DZANK1: variants seen among roughly 807,000 people sequenced by gnomAD.
DZANK1 encodes the protein double zinc ribbon and ankyrin repeat-containing protein 1.
In DZANK1, 91 loss-of-function variants were observed where a neutral mutation model predicts 94.5. That is an observed-to-expected ratio of 0.96 (90% CI 0.81 to 1.15). DZANK1 has a LOEUF of 1.15. Ranked by LOEUF, DZANK1 falls within the 50% of genes most tolerant of loss-of-function variation. The pLI is 0.00. For missense variants in DZANK1, 903 were observed against 916.4 expected (o/e 0.99, Z 0.19); for synonymous variants, 312 against 325.3 (o/e 0.96, Z 0.44).
chr20:18,436,443 C>CA (rs767717764), intron 8 of DZANK1, among the ~76,000 whole-genome samples: 31,647 of 103,516 alleles, frequency 0.31, 5,093 homozygotes, highest in South Asian at 0.37. Flanking sequence ...GACTCCATCT[C>CA]AAAAAAAAAA....
intron 9 of DZANK1, among the ~76,000 whole-genome samples, chr20:18,432,215 A>T (rs2058313504): frequency 6.6e-6 from 1 of 152,170 alleles, no homozygotes; most frequent in Non-Finnish European, 1.5e-5. Context: ...ACTAACACTT[A>T]CCCCTATTCT....
chr20:18,388,891 C>T (rs2148148045), intron 19 of DZANK1, among the ~76,000 whole-genome samples: 1 of 152,276 alleles, frequency 6.6e-6, no homozygotes, highest in East Asian at 1.9e-4. Context: ...ATTTTGGCCT[C>T]CGTGGTAGCA....
rs57414371 is a variant in DZANK1, at chr20:18,466,657, C to G, written c.-20+339G>C. 2.6e-3 allele frequency among the ~76,000 whole-genome samples: 391 copies of G among 152,352 alleles called. 7 individuals are homozygous for G. Among genetic ancestry groups the G allele is most frequent in the Admixed American group, 0.022 (331 of 15,304 alleles). Reference sequence around the variant, plus strand: ...GAAGTAATTCGCGAGCGTCAACTAGCAGCTGCCCTTAGGAAGCTGGGGTGG... The same window carrying G: ...GAAGTAATTCGCGAGCGTCAACTAGGAGCTGCCCTTAGGAAGCTGGGGTGG... On this transcript the variant is annotated intron_variant, in intron 1 of 20. Transcript: ENST00000262547.
chr20:18,394,688 A>G (rs748924816), intron 15 of DZANK1: 1 of 531,028 alleles, frequency 1.9e-6, no homozygotes, highest in Non-Finnish European at 3.7e-6. Flanking sequence ...TAGATCCTTT[A>G]TAAGTGATTG....
chr20:18,451,649 T>C (rs888926097), intron 6 of DZANK1, among the ~76,000 whole-genome samples: 1 of 152,164 alleles, frequency 6.6e-6, no homozygotes, highest in African/African-American at 2.4e-5. Context: ...TCCACTTGGA[T>C]GTCTAATGTG....
At chr20:18,418,987 C>T (rs1174392664) in intron 10 of DZANK1, among the ~76,000 whole-genome samples, 1 of 152,034 alleles carries the variant, frequency 6.6e-6, no homozygotes, top group Non-Finnish European at 1.5e-5. Context: ...ACAGGACTGG[C>T]GCGGTGGCTC....
intron 10 of DZANK1, among the ~76,000 whole-genome samples, chr20:18,416,594 T>C (rs1365864227): frequency 6.6e-6 from 1 of 152,146 alleles, no homozygotes; most frequent in Non-Finnish European, 1.5e-5. Flanking sequence ...CTAAGGGCAC[T>C]TTTCCCTAAA....
chr20:18,391,572 C>T (rs1568873251), intron 17 of DZANK1, among the ~76,000 whole-genome samples: 2 of 152,170 alleles, frequency 1.3e-5, no homozygotes, highest in Admixed American at 6.5e-5. Flanking sequence ...GCCATAAATT[C>T]ATCTTTATAT....
chr20:18,412,360 A>C (rs778459971), intron 13 of DZANK1, among the ~76,000 whole-genome samples: 1 of 152,210 alleles, frequency 6.6e-6, no homozygotes, highest in Admixed American at 6.5e-5. Flanking sequence ...AGCACTGTGC[A>C]CTAACAACAT....
chr20:18,421,268 C>A, intron 10 of DZANK1: 1 of 174,762 alleles, frequency 5.7e-6, no homozygotes. Context: ...CTACATCCCC[C>A]CCGTAAAACT....
chr20:18,438,154 G>A (rs1256004517), intron 8 of DZANK1, among the ~76,000 whole-genome samples: 2 of 137,376 alleles, frequency 1.5e-5, no homozygotes, highest in African/African-American at 5.5e-5. Context: ...GGGAGGCGGA[G>A]CTTGCAGTGA....
rs994510111 is a variant in DZANK1, at chr20:18,414,226, T to A, written c.1242+122A>T. Reference sequence around the variant, plus strand: ...ATTTATTTACACACCTAGTTGAAATTCCATGTGAAAGTTCTAAAAGTTTTG... The same window carrying A: ...ATTTATTTACACACCTAGTTGAAATACCATGTGAAAGTTCTAAAAGTTTTG... On this transcript the variant is annotated intron_variant, in intron 12 of 20. Transcript: ENST00000262547. 2.6e-6 allele frequency: 3 copies of A among 1,160,736 alleles called. No homozygotes were observed. The Admixed American group carries it at 8.4e-5, about 33-fold the overall frequency. The allele number at this position is 1,160,736 out of a possible 1,614,324, so 71.9% of individuals were successfully genotyped here.
At chr20:18,404,705 A>C (rs965572520) in intron 13 of DZANK1, among the ~76,000 whole-genome samples, 1 of 152,232 alleles carries the variant, frequency 6.6e-6, no homozygotes, top group African/African-American at 2.4e-5. Flanking sequence ...ACTTCAAAGC[A>C]GCCATTATAA....
chr20:18,433,568 T>A, intron 9 of DZANK1, 84 bp downstream of exon 9: 17 of 1,219,856 alleles, frequency 1.4e-5, no homozygotes, highest in Middle Eastern at 2.0e-4. Context: ...TGTTACCCCA[T>A]CCCACTAGCT....
intron 9 of DZANK1, 102 bp downstream of exon 9, chr20:18,433,550 A>AC (rs2058375393): frequency 8.9e-7 from 1 of 1,125,232 alleles, no homozygotes; most frequent in African/African-American, 1.6e-5. Flanking sequence ...TCAAAAAAAA[A>AC]AAAAAATTGT....
intron 19 of DZANK1, among the ~76,000 whole-genome samples, chr20:18,387,909 G>A (rs867630478): frequency 9.2e-5 from 14 of 152,278 alleles, no homozygotes; most frequent in African/African-American, 3.1e-4. Context: ...GGAACAACTC[G>A]CTGAGCCTCT....
chr20:18,420,679 CT>C, intron 10 of DZANK1: 3 of 185,220 alleles, frequency 1.6e-5, no homozygotes, highest in South Asian at 2.2e-4. Flanking sequence ...CTGCATACCA[CT>C]TTTTCCACCT....
chr20:18,419,216 T>G (rs1348991512), intron 10 of DZANK1, among the ~76,000 whole-genome samples: 1 of 148,388 alleles, frequency 6.7e-6, no homozygotes, highest in Non-Finnish European at 1.5e-5. Flanking sequence ...GAGCTGAGAT[T>G]GCGCCACTGC....
chr20:18,398,518 C>T lies in DZANK1; in HGVS notation c.1536+5G>A. 1 of 1,613,726 alleles carries T rather than the reference C, an allele frequency of 6.2e-7. No homozygotes were observed. On this transcript the variant is annotated splice_donor_5th_base_variant and intron_variant, in intron 14 of 20. Transcript: ENST00000262547. ...CTTGTGGAGTGGAAATTTCATCTCA[C>T]CCACCTTTCCCATCCTGGGTTCTGC...
Sources: gnomAD v4.1 joint callset for allele counts (sites outside exome capture counted in the v4.1 genomes callset) on GRCh38, gnomAD v4.1.1 for gene constraint, MANE v1.5 for transcripts, NCBI Gene and HGNC (gene_info 2026-07-23, HGNC 2026-07-21) for gene names.